ZNF483: variants seen among roughly 807,000 people sequenced by gnomAD.
ZNF483 encodes the protein zinc finger protein HIT-10.
ZNF483 carries 9 observed loss-of-function variants against 28.6 expected under a neutral mutation model. The observed-to-expected ratio is 0.32, with a 90% CI of 0.19 to 0.55. ZNF483 has a LOEUF of 0.55. Ranked by LOEUF, ZNF483 falls within the 20% of genes least tolerant of loss-of-function variation. The probability of loss-of-function intolerance (pLI) is 0.93; values close to 1 mark genes in which losing one functional copy is unlikely to be tolerated. For synonymous variants in ZNF483, 322 were observed against 306.2 expected (o/e 1.05, Z -0.54); for missense variants, 675 against 871.7 (o/e 0.77, Z 2.84).
In ZNF483 at chr9:111,542,990, T is replaced by C. The variant is rs772958855; in HGVS notation, c.2055T>C (p.His685=). 1.9e-6 allele frequency: 3 copies of C among 1,614,176 alleles called. No individual in the cohort carries two copies. In the Admixed American group the frequency reaches 5.0e-5, roughly 27 times the overall value. ...CTCTTAATGAGCACCACCGAATTCA[T>C]ACAGGAGAGAAACCCTATGAGTGTA... is the stretch of plus-strand genomic sequence containing the variant. The part of the protein sequence containing the change: ...SSSLNEHHRI[H]TGEKPYECNY... The change falls in exon 6 of 6, where the codon CAT becomes CAC. Residue 685 remains histidine (H), a synonymous_variant. Transcript: ENST00000309235. The surrounding 1 kb of genome is among the most constrained non-coding windows in gnomAD (Gnocchi z 6.2).
Position 111,543,446 on chromosome 9 carries a change from G to C in ZNF483, c.*276G>C, listed in dbSNP as rs1482845157. Reference sequence around the variant, plus strand: ...TCTTTTCTTCAGGGGATTTCTCTCTGATTTCTTCTACTACCATGTAGTGTG... The same window carrying C: ...TCTTTTCTTCAGGGGATTTCTCTCTCATTTCTTCTACTACCATGTAGTGTG... On this transcript the variant is annotated 3_prime_UTR_variant, in exon 6 of 6. Transcript: ENST00000309235. The C allele has an allele frequency of 1.0e-5, 12 of 1,171,912 alleles. No homozygotes were observed. Among genetic ancestry groups the C allele is most frequent in the Middle Eastern group, 3.7e-4 (1 of 2,738 alleles). 72.6% of individuals were successfully genotyped at this position (1,171,912 alleles called of 1,614,324 possible). A position where few individuals can be genotyped will look rare whatever the true frequency, so the allele number is the denominator to read the frequency against.
chr9:111,542,198 T>C lies in ZNF483; in HGVS notation c.1263T>C (p.Cys421=). ...GTGAGAAATGTCGGAAAGATTCATGTCAAGAAGCAGCCTTAAATAAAGATG... is the reference window on the plus strand; with the variant it reads ...GTGAGAAATGTCGGAAAGATTCATGCCAAGAAGCAGCCTTAAATAAAGATG... ...PMCEKCRKDS[C]QEAALNKDEG... is the part of the protein sequence containing the mutation. The change falls in exon 6 of 6, where the codon TGT becomes TGC. Residue 421 remains cysteine, a synonymous_variant. Transcript: ENST00000309235. The surrounding 1 kb of genome is among the most constrained non-coding windows in gnomAD (Gnocchi z 6.2). 1 of 1,614,054 alleles carries C rather than the reference T, an allele frequency of 6.2e-7. No individual in the cohort carries two copies. Among genetic ancestry groups the C allele is most frequent in the African/African-American group, 1.3e-5 (1 of 75,020 alleles).
intron 5 of ZNF483, among the ~76,000 whole-genome samples, chr9:111,539,990 G>A (rs1447961904): frequency 2.0e-5 from 3 of 152,016 alleles, no homozygotes; most frequent in Non-Finnish European, 2.9e-5. Context: ...GAATTAGCCA[G>A]GTATGGTGGC....
intron 5 of ZNF483, chr9:111,570,332 T>A: frequency 7.0e-7 from 1 of 1,423,676 alleles, no homozygotes. Flanking sequence ...TCCCCTTCCA[T>A]TTCCTCACTC....
At chr9:111,565,436 T>C (rs1184850309) in intron 5 of ZNF483, among the ~76,000 whole-genome samples, 1 of 152,234 alleles carries the variant, frequency 6.6e-6, no homozygotes, top group African/African-American at 2.4e-5. Flanking sequence ...AAAATGTTAA[T>C]AATAGGGGAA....
intron 5 of ZNF483, among the ~76,000 whole-genome samples, chr9:111,534,631 G>A (rs1827435577): frequency 6.6e-6 from 1 of 151,426 alleles, no homozygotes; most frequent in Non-Finnish European, 1.5e-5. Context: ...AGCCATCAGA[G>A]CATAATGCTG....
In ZNF483 at chr9:111,549,265, C is replaced by A. The variant is rs936038145; in HGVS notation, c.*6095C>A. Among the ~76,000 whole-genome samples, 1 of 152,144 alleles carries A rather than the reference C, an allele frequency of 6.6e-6. No individual in the cohort carries two copies. The highest frequency in any genetic ancestry group is 1.5e-5 in the Non-Finnish European group (1 of 68,022). ...TTGATCACTGGGGAGAAATATCTTA[C>A]AATTCTGAAAACACACTGTCAAAAT... On this transcript the variant is annotated 3_prime_UTR_variant, in exon 6 of 6. Transcript: ENST00000309235.
At position 111,542,925 on chromosome 9, in the gene ZNF483, A is replaced by C; in HGVS notation, c.1990A>C (p.Lys664Gln). 1 of 1,614,098 alleles carries C rather than the reference A, an allele frequency of 6.2e-7. No homozygotes were observed. Among genetic ancestry groups the C allele is most frequent in the Non-Finnish European group, 8.5e-7 (1 of 1,180,014 alleles). The change falls in exon 6 of 6, where the codon AAA (lysine) becomes CAA (glutamine). Residue 664 changes from lysine (K) to glutamine (Q), a missense_variant. Around this residue, in one of 6 missense-constraint regions of ZNF483, gnomAD observed 47 missense variants for 93.5 expected, o/e 0.50. Transcript: ENST00000309235. The surrounding 1 kb of genome is among the most constrained non-coding windows in gnomAD (Gnocchi z 6.2). ...QRIHTGVKPY[K>Q]CKECGKSFSQ... is the part of the protein sequence containing the mutation. ...AATTCATACTGGTGTAAAACCTTATAAATGTAAAGAATGTGGGAAGTCCTT... is the reference window on the plus strand; with the variant it reads ...AATTCATACTGGTGTAAAACCTTATCAATGTAAAGAATGTGGGAAGTCCTT...
rs201682538 is a variant in ZNF483, at chr9:111,574,697, C to T, written c.722-1668C>T. 3.4e-6 allele frequency: 5 copies of T among 1,474,574 alleles called. No individual in the cohort carries two copies. The African/African-American group carries it at 7.0e-5, about 21-fold the overall frequency. The allele number at this position is 1,474,574 out of a possible 1,614,324, so 91.3% of individuals were successfully genotyped here. A position where few individuals can be genotyped will look rare whatever the true frequency, so the allele number is the denominator to read the frequency against. Reference sequence around the variant, plus strand: ...TCTGTGAATTTTCTCCTTGTCCAGCCTTGTGACATATGGGATCGTGTGCAT... The same window carrying T: ...TCTGTGAATTTTCTCCTTGTCCAGCTTTGTGACATATGGGATCGTGTGCAT... On this transcript the variant is annotated intron_variant, in intron 5 of 5. Transcript: ENST00000358151.
rs1206487252 is a variant in ZNF483 at position 111,551,195 on chromosome 9, A to G, written c.*8025A>G. Among the ~76,000 whole-genome samples, 1 of 152,166 alleles carries G rather than the reference A, an allele frequency of 6.6e-6. No individual in the cohort carries two copies. The highest frequency in any genetic ancestry group is 1.5e-5 in the Non-Finnish European group (1 of 68,036). On this transcript the variant is annotated 3_prime_UTR_variant, in exon 6 of 6. Coordinates refer to ENST00000309235, the MANE Select transcript of ZNF483 (RefSeq NM_133464.5). ...GTAATCAATGTAAAAAAGTATTGAG[A>G]CATTTTGTTTTTTGCACTATTTTTG...
rs569803523 is a variant in ZNF483, at chr9:111,538,821, CAAAA to C, written c.722-2832_722-2829del. On this transcript the variant is annotated intron_variant, in intron 5 of 5. Transcript: ENST00000309235. ...TCAATGGCAATAATTAAAAAACAAA[CAAAA>C]AAACTCAGCCAGGTGTGGTGGCTCA... 1.6e-3 allele frequency among the ~76,000 whole-genome samples: 243 copies of C among 151,754 alleles called. 2 individuals are homozygous for C. Among genetic ancestry groups the C allele is most frequent in the African/African-American group, 5.7e-3 (235 of 41,414 alleles).
In ZNF483 at chr9:111,555,090, T is replaced by C. The variant is rs1354342864; in HGVS notation, c.*11920T>C. Among the ~76,000 whole-genome samples, 1 of 152,182 alleles carries C rather than the reference T, an allele frequency of 6.6e-6. No homozygotes were observed. The highest frequency in any genetic ancestry group is 1.5e-5 in the Non-Finnish European group (1 of 68,024). Reference sequence around the variant, plus strand: ...GGCAGAGGCACGCCACATGGTGGGATAGGAGTTGGAGTTCATCCCCTTTTA... The same window carrying C: ...GGCAGAGGCACGCCACATGGTGGGACAGGAGTTGGAGTTCATCCCCTTTTA... On this transcript the variant is annotated 3_prime_UTR_variant, in exon 6 of 6. Coordinates refer to ENST00000309235, the MANE Select transcript of ZNF483 (RefSeq NM_133464.5).
rs1054978757 is a variant in ZNF483 at position 111,551,214 on chromosome 9, A to G, written c.*8044A>G. On this transcript the variant is annotated 3_prime_UTR_variant, in exon 6 of 6. Transcript: ENST00000309235. ...ATTGAGACATTTTGTTTTTTGCACT[A>G]TTTTTGAAATCTGGTATGTAATGTG... 1.4e-4 allele frequency among the ~76,000 whole-genome samples: 21 copies of G among 152,258 alleles called. No individual in the cohort carries two copies. The highest frequency in any genetic ancestry group is 4.1e-4 in the African/African-American group (17 of 41,572).
In ZNF483 at chr9:111,548,037, G is replaced by A. The variant is rs1052779233; in HGVS notation, c.*4867G>A. Among the ~76,000 whole-genome samples, 1 of 152,036 alleles carries A rather than the reference G, an allele frequency of 6.6e-6. No homozygotes were observed. Among genetic ancestry groups the A allele is most frequent in the East Asian group, 1.9e-4 (1 of 5,188 alleles). ...ATTTTGATTACTCCAGTAATGTTTT[G>A]TAATCAGGATTACACTACGTTTCCT... On this transcript the variant is annotated 3_prime_UTR_variant, in exon 6 of 6. Transcript: ENST00000309235.
chr9:111,574,022 G>A (rs1318073387), intron 5 of ZNF483, among the ~76,000 whole-genome samples: 1 of 152,142 alleles, frequency 6.6e-6, no homozygotes, highest in Non-Finnish European at 1.5e-5. Context: ...AAGAAGCACT[G>A]CCCAAGATTT....
intron 3 of ZNF483, among the ~76,000 whole-genome samples, 163 bp downstream of exon 3, chr9:111,531,126 C>T (rs1359431985): frequency 2.6e-5 from 4 of 151,982 alleles, no homozygotes; most frequent in South Asian, 4.2e-4. Context: ...CCCAAGAGTT[C>T]AGGGTTGCAG....
intron 5 of ZNF483, among the ~76,000 whole-genome samples, chr9:111,541,264 T>G (rs566971551): frequency 6.6e-6 from 1 of 152,122 alleles, no homozygotes; most frequent in South Asian, 2.1e-4. Flanking sequence ...TAATTTTTTG[T>G]ATTTTTAGTA....
rs555760850 is a variant in ZNF483 at position 111,554,086 on chromosome 9, A to G, written c.*10916A>G. Reference sequence around the variant, plus strand: ...GTGCCAAGGTTTCCCATTCCACTCTAGAGATCTCACACAGGCTTCCCAGGA... The same window carrying G: ...GTGCCAAGGTTTCCCATTCCACTCTGGAGATCTCACACAGGCTTCCCAGGA... On this transcript the variant is annotated 3_prime_UTR_variant, in exon 6 of 6. Coordinates refer to ENST00000309235, the MANE Select transcript of ZNF483 (RefSeq NM_133464.5). Among the ~76,000 whole-genome samples, 3 of 152,266 alleles carry G rather than the reference A, an allele frequency of 2.0e-5. No individual in the cohort carries two copies. Among genetic ancestry groups the G allele is most frequent in the Admixed American group, 6.5e-5 (1 of 15,300 alleles).
In ZNF483 at chr9:111,546,589, G is replaced by A. The variant is rs1026401845; in HGVS notation, c.*3419G>A. Among the ~76,000 whole-genome samples, 3 of 152,122 alleles carry A rather than the reference G, an allele frequency of 2.0e-5. No homozygotes were observed. The highest frequency in any genetic ancestry group is 1.3e-4 in the Admixed American group (2 of 15,268). On this transcript the variant is annotated 3_prime_UTR_variant, in exon 6 of 6. Transcript: ENST00000309235. The stretch of plus-strand genomic sequence containing the variant: ...AATAATGTTTCCTCTTAATGAGCGT[G>A]TATAAATTTTTTTCATGTCACAGGA...
Sources: gnomAD v4.1 joint callset for allele counts (sites outside exome capture counted in the v4.1 genomes callset) on GRCh38, gnomAD v4.1.1 for gene constraint, gnomAD v4.1.1 regional missense constraint, Gnocchi (gnomAD v3.1) non-coding constraint, MANE v1.5 for transcripts, NCBI Gene and HGNC (gene_info 2026-07-23, HGNC 2026-07-21) for gene names.